Variants in PIP4K2A observed in about 807,000 individuals in gnomAD.
PIP4K2A encodes phosphatidylinositol-5-phosphate 4-kinase type 2 alpha, also known as phosphatidylinositol 5-phosphate 4-kinase type-2 alpha.
PIP4K2A carries 14 observed loss-of-function variants against 42.9 expected under a neutral mutation model. The ratio of observed to expected loss-of-function variants is 0.33; its 90% CI spans 0.22 to 0.51. The LOEUF (loss-of-function observed/expected upper bound fraction) is 0.51. Among genes scored for constraint, PIP4K2A ranks in the 20% least tolerant of loss-of-function variants. The probability of loss-of-function intolerance (pLI) is 0.97; values close to 1 mark genes in which losing one functional copy is unlikely to be tolerated. For missense variants in PIP4K2A, 434 were observed against 519.8 expected, an observed-to-expected ratio of 0.83 and a Z score of 1.61; for synonymous variants, 192 against 192.2, an observed-to-expected ratio of 1.00 and a Z score of 0.01.
At position 22,535,232 on chromosome 10, in the gene PIP4K2A, C is replaced by G. The variant is rs1374397419; in HGVS notation, c.*1969G>C. Reference sequence around the variant, plus strand: ...TACTTCAGGGTCTCATGGTTGTGGTCTTGGGTCAAACCACAGTAGAACTTC... The same window carrying G: ...TACTTCAGGGTCTCATGGTTGTGGTGTTGGGTCAAACCACAGTAGAACTTC... On this transcript the variant is annotated 3_prime_UTR_variant, in exon 10 of 10. Transcript: ENST00000376573. The G allele has an allele frequency of 6.6e-6, 1 of 152,204 alleles. No individual in the cohort carries two copies. The highest frequency in any genetic ancestry group is 1.5e-5 in the Non-Finnish European group (1 of 68,046). The allele number at this position is 152,204 out of a possible 1,614,324, so 9.4% of individuals were successfully genotyped here.
At chr10:22,666,709 T>C (rs1839360009) in intron 1 of PIP4K2A, among the ~76,000 whole-genome samples, 1 of 152,204 alleles carries the variant, frequency 6.6e-6, no homozygotes, top group African/African-American at 2.4e-5. Flanking sequence ...CATTTCTTTT[T>C]TTCTTTCTGC....
chr10:22,604,771 C>A (rs910556421), intron 3 of PIP4K2A, among the ~76,000 whole-genome samples: 4 of 152,170 alleles, frequency 2.6e-5, no homozygotes, highest in Non-Finnish European at 5.9e-5. Context: ...TGGCAAGCTC[C>A]AGGAGAGGAA....
At chr10:22,580,192 G>T (rs970285937) in intron 4 of PIP4K2A, among the ~76,000 whole-genome samples, 6 of 152,068 alleles carry the variant, frequency 3.9e-5, no homozygotes, top group Admixed American at 2.0e-4. Context: ...TAATGCTGCA[G>T]TGTCTCTGTA....
chr10:22,563,616 G>A (rs947473530), intron 6 of PIP4K2A, among the ~76,000 whole-genome samples: 1 of 152,118 alleles, frequency 6.6e-6, no homozygotes, highest in Non-Finnish European at 1.5e-5. Flanking sequence ...GCCCTTAAAG[G>A]AAAGGAGAGA....
At position 22,541,929 on chromosome 10, in the gene PIP4K2A, C is replaced by T; in HGVS notation, c.911G>A (p.Ser304Asn). 1 of 1,614,114 alleles carries T rather than the reference C, an allele frequency of 6.2e-7. No homozygotes were observed. The highest frequency in any genetic ancestry group is 8.5e-7 in the Non-Finnish European group (1 of 1,179,992). ...GGTTCCCACCGGGTGGGTGCCATCG[C>T]TCTCGCCCTCCTCCTCCCCATCGTT... Reference protein sequence around the residue: ...EENDGEEEGESDGTHPVGTPP... With the variant: ...EENDGEEEGENDGTHPVGTPP... The change falls in exon 8 of 10, where the codon AGC becomes AAC. Residue 304 changes from serine to asparagine, a missense_variant. Ser to Asn is a conservative substitution (Grantham distance 46, BLOSUM62 1). Transcript: ENST00000376573.
At chr10:22,574,131 T>C (rs1837055239) in intron 4 of PIP4K2A, among the ~76,000 whole-genome samples, 1 of 152,198 alleles carries the variant, frequency 6.6e-6, no homozygotes, top group Non-Finnish European at 1.5e-5. Flanking sequence ...TGGCTGTTTT[T>C]CATGACCAAA....
intron 3 of PIP4K2A, among the ~76,000 whole-genome samples, chr10:22,603,953 A>T (rs1229336124): frequency 6.6e-6 from 1 of 152,200 alleles, no homozygotes; most frequent in African/African-American, 2.4e-5. Context: ...GAATTGGAAA[A>T]AGTTCTGAAT....
chr10:22,544,576 C>A (rs775929242), intron 7 of PIP4K2A, among the ~76,000 whole-genome samples: 1 of 152,218 alleles, frequency 6.6e-6, no homozygotes, highest in Non-Finnish European at 1.5e-5. Context: ...CTTCTGCCCA[C>A]ACCTGCTCCC....
At chr10:22,597,932 AG>A (rs1470161842) in intron 3 of PIP4K2A, among the ~76,000 whole-genome samples, 16 of 152,220 alleles carry the variant, frequency 1.1e-4, no homozygotes, top group Non-Finnish European at 2.1e-4. Context: ...TTCAGGAGAA[AG>A]CAGCCAGATA....
chr10:22,679,595 ACTT>A (rs1247808530), intron 1 of PIP4K2A, among the ~76,000 whole-genome samples: 3 of 152,200 alleles, frequency 2.0e-5, no homozygotes, highest in African/African-American at 7.2e-5. Context: ...CCACACAAAA[ACTT>A]CTACACAAAT....
chr10:22,585,172 C>T (rs1004672088), intron 4 of PIP4K2A, among the ~76,000 whole-genome samples: 4 of 152,134 alleles, frequency 2.6e-5, no homozygotes, highest in African/African-American at 7.2e-5. Context: ...TTTGCTCTAC[C>T]GAAGTCTCAT....
At chr10:22,560,212 G>A (rs1005463081) in intron 6 of PIP4K2A, among the ~76,000 whole-genome samples, 2 of 152,286 alleles carry the variant, frequency 1.3e-5, no homozygotes, top group Non-Finnish European at 2.9e-5. Context: ...GGCCTAAAAA[G>A]CTTGACAACC....
chr10:22,620,902 T>C (rs1245914409), intron 1 of PIP4K2A, among the ~76,000 whole-genome samples: 5 of 152,200 alleles, frequency 3.3e-5, no homozygotes, highest in Non-Finnish European at 5.9e-5. Context: ...CCTCTTTAAG[T>C]GTTTCATTTA....
chr10:22,699,500 C>G (rs1045261057), intron 1 of PIP4K2A, among the ~76,000 whole-genome samples: 1 of 151,280 alleles, frequency 6.6e-6, no homozygotes, highest in South Asian at 2.1e-4. Flanking sequence ...TGGGAATGTG[C>G]GAAACTTGGG....
chr10:22,669,699 G>C (rs1839412906), intron 1 of PIP4K2A, among the ~76,000 whole-genome samples: 1 of 152,228 alleles, frequency 6.6e-6, no homozygotes, highest in Admixed American at 6.5e-5. Flanking sequence ...CAGACGGTCT[G>C]CGACTTGCCA....
At chr10:22,540,121 G>C (rs752667355) in intron 8 of PIP4K2A, 47 bp from the exon 9 acceptor site, 1 of 910,760 alleles carries the variant, frequency 1.1e-6, no homozygotes, top group Non-Finnish European at 1.8e-6. Context: ...GACAACACCA[G>C]TGCCAGCATT....
intron 1 of PIP4K2A, among the ~76,000 whole-genome samples, chr10:22,692,685 C>A (rs571333095): frequency 2.0e-5 from 3 of 152,130 alleles, no homozygotes; most frequent in Admixed American, 6.5e-5. Context: ...AATATCCAGG[C>A]CCCACTTACG....
chr10:22,651,001 G>T (rs560172652), intron 1 of PIP4K2A, among the ~76,000 whole-genome samples: 5 of 152,264 alleles, frequency 3.3e-5, no homozygotes, highest in Admixed American at 2.6e-4. Context: ...TCCCAGATTT[G>T]TAGCTCTAGC....
At chr10:22,683,733 C>T (rs755029270) in intron 1 of PIP4K2A, among the ~76,000 whole-genome samples, 6 of 151,862 alleles carry the variant, frequency 4.0e-5, no homozygotes, top group Non-Finnish European at 7.4e-5. Flanking sequence ...CAGACTGCAG[C>T]GTCCCTCCTG....
Sources: allele counts gnomAD v4.1 joint callset (sites outside exome capture counted in the v4.1 genomes callset), GRCh38; gene constraint gnomAD v4.1.1; transcripts MANE v1.5; gene names NCBI Gene and HGNC (gene_info 2026-07-23, HGNC 2026-07-21).